The following SOX17 variants were observed in gnomAD, a reference collection of about 807,000 sequenced individuals.
SOX17 encodes transcription factor SOX-17.
A neutral mutation model predicts 16.0 loss-of-function variants in SOX17; 4 were observed. The observed-to-expected ratio is 0.25, with a 90% CI of 0.12 to 0.57. SOX17 has a LOEUF of 0.57. SOX17 is among the 20% of genes least tolerant of loss of function. The pLI is 0.92. For synonymous variants in SOX17, 357 were observed against 284.6 expected (o/e 1.25, Z -2.56); for missense variants, 633 against 609.7 (o/e 1.04, Z -0.40).
Position 54,458,052 on chromosome 8 carries a change from T to G in SOX17, c.-87T>G. The stretch of plus-strand genomic sequence containing the variant: ...CCGCGCAGCCCTCGGGGCATCTCAG[T>G]GCCTCACTCCCCACCCCCTCCCCCG... On this transcript the variant is annotated 5_prime_UTR_variant, in exon 1 of 2. Coordinates refer to ENST00000297316, the MANE Select transcript of SOX17 (RefSeq NM_022454.4). 1.4e-6 allele frequency: 2 copies of G among 1,390,304 alleles called. No individual in the cohort carries two copies. Among genetic ancestry groups the G allele is most frequent in the Non-Finnish European group, 9.4e-7 (1 of 1,069,286 alleles). 86.1% of individuals were successfully genotyped at this position (1,390,304 alleles called of 1,614,324 possible). A position where few individuals can be genotyped will look rare whatever the true frequency, so the allele number is the denominator to read the frequency against.
At position 54,458,077 on chromosome 8, in the gene SOX17, G is replaced by A; in HGVS notation, c.-62G>A. ...TGCCTCACTCCCCACCCCCTCCCCC[G>A]GGTCGGGGGAGGCGGCGCGTCCGGC... On this transcript the variant is annotated 5_prime_UTR_variant, in exon 1 of 2. Transcript: ENST00000297316. 1 of 1,423,792 alleles carries A rather than the reference G, an allele frequency of 7.0e-7. No homozygotes were observed. The highest frequency in any genetic ancestry group is 2.7e-5 in the East Asian group (1 of 37,512). 88.2% of individuals were successfully genotyped at this position (1,423,792 alleles called of 1,614,324 possible).
intron 1 of SOX17, among the ~76,000 whole-genome samples, 178 bp downstream of exon 1, chr8:54,458,623 A>C (rs1458035567): frequency 6.6e-6 from 1 of 151,702 alleles, no homozygotes; most frequent in Non-Finnish European, 1.5e-5. Flanking sequence ...CGACCCTCCA[A>C]AGCAGCTTTC....
rs1804663187 is a variant in SOX17 at position 54,458,043 on chromosome 8, G to T, written c.-96G>T. 1 of 1,347,524 alleles carries T rather than the reference G, an allele frequency of 7.4e-7. No homozygotes were observed. The highest frequency in any genetic ancestry group is 9.7e-7 in the Non-Finnish European group (1 of 1,031,548). The allele number at this position is 1,347,524 out of a possible 1,614,324, so 83.5% of individuals were successfully genotyped here. On this transcript the variant is annotated 5_prime_UTR_variant, in exon 1 of 2. Coordinates refer to ENST00000297316, the MANE Select transcript of SOX17 (RefSeq NM_022454.4). Reference sequence around the variant, plus strand: ...CCGGGAGACCCGCGCAGCCCTCGGGGCATCTCAGTGCCTCACTCCCCACCC... The same window carrying T: ...CCGGGAGACCCGCGCAGCCCTCGGGTCATCTCAGTGCCTCACTCCCCACCC...
rs1346839397 is a variant in SOX17 at position 54,458,182 on chromosome 8, A to C, written c.44A>C (p.Gln15Pro). 1 of 1,588,526 alleles carries C rather than the reference A, an allele frequency of 6.3e-7. No homozygotes were observed. Residue 15 changes from glutamine (Q) to proline (P), a missense_variant, in exon 1 of 2, where the codon CAG (glutamine) becomes CCG (proline). Gln to Pro is a moderately conservative substitution (Grantham distance 76). Transcript: ENST00000297316. ...DAGYASDDQS[Q>P]TQSALPAVMA... ...GGATACGCCAGTGACGACCAGAGCC[A>C]GACCCAGAGCGCGCTGCCCGCGGTG... is the stretch of plus-strand genomic sequence containing the variant.
In SOX17 at chr8:54,459,619, C is replaced by A; in HGVS notation, c.869C>A (p.Pro290His). The A allele has an allele frequency of 6.5e-7, 1 of 1,540,024 alleles. No homozygotes were observed. The highest frequency in any genetic ancestry group is 8.7e-7 in the Non-Finnish European group (1 of 1,148,402). The stretch of plus-strand genomic sequence containing the variant: ...TCGATTCCGGGCCTCCTGGCGCCAC[C>A]CAGCGCCCTTCACGTGTACTACGGC... ...GPSIPGLLAPPSALHVYYGAM... is the reference protein window; with the variant it reads ...GPSIPGLLAPHSALHVYYGAM... The change falls in exon 2 of 2, where the codon CCC (proline) becomes CAC (histidine). Residue 290 changes from proline to histidine, a missense_variant. Coordinates refer to ENST00000297316, the MANE Select transcript of SOX17 (RefSeq NM_022454.4).
rs2129278477 is a variant in SOX17 at position 54,460,020 on chromosome 8, G to A, written c.*25G>A. On this transcript the variant is annotated 3_prime_UTR_variant, in exon 2 of 2. Coordinates refer to ENST00000297316, the MANE Select transcript of SOX17 (RefSeq NM_022454.4). ...ACAGGTCCCTGATCCGCCCCAGCCTGCAGGCCAGAAGCAGTGTTACACACT... is the reference window on the plus strand; with the variant it reads ...ACAGGTCCCTGATCCGCCCCAGCCTACAGGCCAGAAGCAGTGTTACACACT... 6.2e-7 allele frequency: 1 copy of A among 1,611,816 alleles called. No homozygotes were observed. The highest frequency in any genetic ancestry group is 1.1e-5 in the South Asian group (1 of 91,044).
At position 54,459,328 on chromosome 8, in the gene SOX17, C is replaced by G. The variant is rs771845673; in HGVS notation, c.578C>G (p.Pro193Arg). The part of the protein sequence containing the change: ...FPEQGFPAGP[P>R]LLPPHMGGHY... ...GAGCAGGGCTTCCCCGCCGGCCCGC[C>G]GCTGCTGCCTCCGCACATGGGCGGC... The change falls in exon 2 of 2, where the codon CCG becomes CGG. Residue 193 changes from proline (P) to arginine (R), a missense_variant. Pro to Arg is a moderately radical substitution (Grantham distance 103, BLOSUM62 -2). This residue lies in a region of SOX17 where 479 missense variants were observed against 397.2 expected (regional missense o/e 1.21). Transcript: ENST00000297316. 6.5e-7 allele frequency: 1 copy of G among 1,539,068 alleles called. No individual in the cohort carries two copies. The highest frequency in any genetic ancestry group is 8.7e-7 in the Non-Finnish European group (1 of 1,153,108).
Position 54,458,307 on chromosome 8 carries a change from G to A in SOX17, c.169G>A (p.Gly57Arg), listed in dbSNP as rs749912364. 1 of 1,611,278 alleles carries A rather than the reference G, an allele frequency of 6.2e-7. No homozygotes were observed. Among genetic ancestry groups the A allele is most frequent in the Non-Finnish European group, 8.5e-7 (1 of 1,179,366 alleles). ...EAPANSGAPA[G>R]AAGRAKGESR... Reference sequence around the variant, plus strand: ...GCCGGCGAACAGCGGAGCACCGGCCGGGGCCGCGGGCCGAGCCAAGGGCGA... The same window carrying A: ...GCCGGCGAACAGCGGAGCACCGGCCAGGGCCGCGGGCCGAGCCAAGGGCGA... The change falls in exon 1 of 2, where the codon GGG (glycine) becomes AGG (arginine). Residue 57 changes from glycine to arginine, a missense_variant. Transcript: ENST00000297316.
At position 54,459,632 on chromosome 8, in the gene SOX17, C is replaced by T. The variant is rs767974350; in HGVS notation, c.882C>T (p.His294=). ...PGLLAPPSAL[H]VYYGAMGSPG... is the part of the protein sequence containing the mutation. The stretch of plus-strand genomic sequence containing the variant: ...TCCTGGCGCCACCCAGCGCCCTTCA[C>T]GTGTACTACGGCGCGATGGGCTCGC... The change falls in exon 2 of 2, where the codon CAC becomes CAT. Residue 294 remains histidine (H), a synonymous_variant. Coordinates refer to ENST00000297316, the MANE Select transcript of SOX17 (RefSeq NM_022454.4). The T allele has an allele frequency of 1.9e-6, 3 of 1,538,500 alleles. No homozygotes were observed. Among genetic ancestry groups the T allele is most frequent in the Admixed American group, 1.9e-5 (1 of 51,642 alleles).
In SOX17 at chr8:54,460,113, G is replaced by A; in HGVS notation, c.*118G>A. The A allele has an allele frequency of 2.8e-6, 3 of 1,054,426 alleles. No homozygotes were observed. Among genetic ancestry groups the A allele is most frequent in the Non-Finnish European group, 4.3e-6 (3 of 692,474 alleles). The allele number at this position is 1,054,426 out of a possible 1,614,324, so 65.3% of individuals were successfully genotyped here. On this transcript the variant is annotated 3_prime_UTR_variant, in exon 2 of 2. Transcript: ENST00000297316. ...TTGTTGCTGTTGTTGTTTTTTAAAA[G>A]GTGTGTTGGCATATAATTTATGGTA...
Position 54,459,096 on chromosome 8 carries a change from C to T in SOX17, c.346C>T (p.Pro116Ser), listed in dbSNP as rs760032360. ...WKALTLAEKR[P>S]FVEEAERLRV... Reference sequence around the variant, plus strand: ...GGCGCTGACGCTGGCGGAGAAGCGGCCCTTCGTGGAGGAGGCAGAGCGGCT... The same window carrying T: ...GGCGCTGACGCTGGCGGAGAAGCGGTCCTTCGTGGAGGAGGCAGAGCGGCT... Residue 116 changes from proline to serine, a missense_variant, in exon 2 of 2, where the codon CCC becomes TCC. Physicochemically the swap from Pro to Ser is moderately conservative, Grantham distance 74 (BLOSUM62 -1). Around this residue, in one of 5 missense-constraint regions of SOX17, gnomAD observed 39 missense variants for 46.5 expected, o/e 0.84. Coordinates refer to ENST00000297316, the MANE Select transcript of SOX17 (RefSeq NM_022454.4). 3.1e-6 allele frequency: 5 copies of T among 1,608,498 alleles called. No homozygotes were observed. The South Asian group carries it at 3.3e-5, about 11-fold the overall frequency.
chr8:54,458,501 C>T (rs1480795782), intron 1 of SOX17, 56 bp downstream of exon 1: 58 of 1,595,950 alleles, frequency 3.6e-5, no homozygotes, highest in African/African-American at 5.4e-5. Flanking sequence ...ATCGCTAGGC[C>T]GATTTCTTAA....
chr8:54,459,930 G>T lies in SOX17; in HGVS notation c.1180G>T (p.Ala394Ser), dbSNP rs758620469. 9 of 1,613,760 alleles carry T rather than the reference G, an allele frequency of 5.6e-6. No individual in the cohort carries two copies. In the Admixed American group the frequency reaches 1.0e-4, roughly 18 times the overall value. ...SGVNLPDSHG[A>S]ISSVVSDASS... ...TGTGAATCTCCCCGACAGCCACGGGGCCATTTCCTCGGTGGTGTCCGACGC... is the reference window on the plus strand; with the variant it reads ...TGTGAATCTCCCCGACAGCCACGGGTCCATTTCCTCGGTGGTGTCCGACGC... The change falls in exon 2 of 2, where the codon GCC becomes TCC. Residue 394 changes from alanine (A) to serine (S), a missense_variant. Transcript: ENST00000297316.
chr8:54,459,302 C>G lies in SOX17; in HGVS notation c.552C>G (p.Pro184=), dbSNP rs1025668155. The G allele has an allele frequency of 2.6e-6, 4 of 1,515,512 alleles. No individual in the cohort carries two copies. The highest frequency in any genetic ancestry group is 2.9e-5 in the African/African-American group (2 of 69,378). 93.9% of individuals were successfully genotyped at this position (1,515,512 alleles called of 1,614,324 possible). Residue 184 remains proline, a synonymous_variant, in exon 2 of 2, where the codon CCC becomes CCG. Transcript: ENST00000297316. The part of the protein sequence containing the change: ...VAMDGLGLQF[P]EQGFPAGPPL... ...TGGACGGCCTGGGCCTCCAGTTCCC[C>G]GAGCAGGGCTTCCCCGCCGGCCCGC...
chr8:54,459,449 C>G lies in SOX17; in HGVS notation c.699C>G (p.Asp233Glu). 6.6e-7 allele frequency: 1 copy of G among 1,524,082 alleles called. No homozygotes were observed. The highest frequency in any genetic ancestry group is 8.7e-7 in the Non-Finnish European group (1 of 1,142,976). 94.4% of individuals were successfully genotyped at this position (1,524,082 alleles called of 1,614,324 possible). ...DTSPLDGVDP[D>E]PAFFAAPMPG... is the part of the protein sequence containing the mutation. ...CCCCGCTGGACGGCGTGGACCCCGA[C>G]CCGGCTTTCTTCGCCGCCCCGATGC... The change falls in exon 2 of 2, where the codon GAC becomes GAG. Residue 233 changes from aspartate to glutamate, a missense_variant. Asp to Glu is a conservative substitution (Grantham distance 45). Coordinates refer to ENST00000297316, the MANE Select transcript of SOX17 (RefSeq NM_022454.4).
rs543674178 is a variant in SOX17, at chr8:54,458,076, C to T, written c.-63C>T. 4.9e-6 allele frequency: 7 copies of T among 1,424,088 alleles called. No homozygotes were observed. Among genetic ancestry groups the T allele is most frequent in the Non-Finnish European group, 6.4e-6 (7 of 1,096,170 alleles). 88.2% of individuals were successfully genotyped at this position (1,424,088 alleles called of 1,614,324 possible). On this transcript the variant is annotated 5_prime_UTR_variant, in exon 1 of 2. Transcript: ENST00000297316. ...GTGCCTCACTCCCCACCCCCTCCCC[C>T]GGGTCGGGGGAGGCGGCGCGTCCGG...
At position 54,458,105 on chromosome 8, in the gene SOX17, A is replaced by T. The variant is rs537653097; in HGVS notation, c.-34A>T. The T allele has an allele frequency of 2.1e-6, 3 of 1,445,414 alleles. No individual in the cohort carries two copies. The South Asian group carries it at 4.3e-5, about 21-fold the overall frequency. The allele number at this position is 1,445,414 out of a possible 1,614,324, so 89.5% of individuals were successfully genotyped here. A position where few individuals can be genotyped will look rare whatever the true frequency, so the allele number is the denominator to read the frequency against. On this transcript the variant is annotated 5_prime_UTR_variant, in exon 1 of 2. Transcript: ENST00000297316. ...TCGGGGGAGGCGGCGCGTCCGGCGG[A>T]GGGTTGAGGGGAGCGGGGCAGGCCT... is the stretch of plus-strand genomic sequence containing the variant.
intron 1 of SOX17, 96 bp from the exon 2 acceptor site, chr8:54,458,962 G>T: frequency 1.7e-6 from 2 of 1,148,760 alleles, no homozygotes; most frequent in Admixed American, 2.9e-5. Flanking sequence ...CAAAGTCTGA[G>T]GGGGGAGGTG....
chr8:54,459,719 C>A lies in SOX17; in HGVS notation c.969C>A (p.His323Gln). The A allele has an allele frequency of 6.4e-7, 1 of 1,552,450 alleles. No individual in the cohort carries two copies. The highest frequency in any genetic ancestry group is 8.7e-7 in the Non-Finnish European group (1 of 1,152,950). The change falls in exon 2 of 2, where the codon CAC becomes CAA. Residue 323 changes from histidine to glutamine, a missense_variant. This residue lies in a region of SOX17 where 479 missense variants were observed against 397.2 expected (regional missense o/e 1.21). Transcript: ENST00000297316. ...MQPQHQHQHQ[H>Q]QHHPPGPGQP... The stretch of plus-strand genomic sequence containing the variant: ...CGCAACACCAGCACCAGCACCAGCA[C>A]CAGCACCACCCCCCGGGCCCCGGAC...
Sources: gnomAD v4.1 joint callset for allele counts (sites outside exome capture counted in the v4.1 genomes callset) on GRCh38, gnomAD v4.1.1 for gene constraint, gnomAD v4.1.1 regional missense constraint, MANE v1.5 for transcripts, NCBI Gene and HGNC (gene_info 2026-07-23, HGNC 2026-07-21) for gene names.